MAP3K15: variants seen among roughly 807,000 people sequenced by gnomAD.
The protein encoded by MAP3K15 is MAPK/ERK kinase kinase 15.
A neutral mutation model predicts 99.5 loss-of-function variants in MAP3K15; 124 were observed. That is an observed-to-expected ratio of 1.25 (90% confidence interval 1.08 to 1.45). The LOEUF is 1.45. Among genes scored for constraint, MAP3K15 ranks in the 40% most tolerant of loss-of-function variants. The pLI is 0.00. For synonymous variants in MAP3K15, 494 were observed against 439.6 expected (o/e 1.12, Z -1.55); for missense variants, 1,242 against 1,079.7 (o/e 1.15, Z -2.11).
At chrX:19,514,148 T>C (rs747775505) in intron 1 of MAP3K15, among the ~76,000 whole-genome samples, 6 of 110,820 alleles carry the variant, frequency 5.4e-5, no homozygotes, top group Non-Finnish European at 1.1e-4. Context: ...TTTCCACTCC[T>C]GGCTGCAAAA....
chrX:19,403,623 TA>T (rs1283048847), intron 13 of MAP3K15, among the ~76,000 whole-genome samples: 5 of 85,993 alleles, frequency 5.8e-5, no homozygotes, highest in African/African-American at 3.0e-4. Flanking sequence ...CATGCTGAGC[TA>T]ATTTTTTTTT....
Position 19,369,152 on chromosome X carries a change from T to C in MAP3K15, c.3468A>G (p.Glu1156=). The C allele has an allele frequency of 9.9e-6, 12 of 1,211,248 alleles. No individual in the cohort carries two copies. The highest frequency in any genetic ancestry group is 1.3e-5 in the Non-Finnish European group (12 of 895,348). ...EGVDKDMDEA[E]EGYPPATGPG... is the part of the protein sequence containing the mutation. ...GTCCGGTGGCTGGGGGATAGCCCTC[T>C]TCCGCTTCATCCATGTCCTTATCTA... Residue 1156 remains glutamate (E), a synonymous_variant, in exon 25 of 29, where the codon GAA becomes GAG. Coordinates refer to ENST00000338883, the MANE Select transcript of MAP3K15 (RefSeq NM_001001671.4).
Position 19,395,941 on chromosome X carries a change from GCT to G in MAP3K15, c.2067-735_2067-734del, listed in dbSNP as rs1280581062. Reference sequence around the variant, plus strand: ...TCTGAATATACTTTGTGTTTTAACAGCTCTGTTTTTCCATCAGCATAGGCCTC... The same window carrying G: ...TCTGAATATACTTTGTGTTTTAACAGCTGTTTTTCCATCAGCATAGGCCTC... On this transcript the variant is annotated intron_variant, in intron 15 of 28. Coordinates refer to ENST00000338883, the MANE Select transcript of MAP3K15 (RefSeq NM_001001671.4). Among the ~76,000 whole-genome samples the G allele has an allele frequency of 2.7e-5, 3 of 111,971 alleles. No individual in the cohort carries two copies. The East Asian group carries it at 8.3e-4, about 31-fold the overall frequency.
chrX:19,415,761 A>T (rs939791413), intron 9 of MAP3K15, among the ~76,000 whole-genome samples: 6 of 111,868 alleles, frequency 5.4e-5, no homozygotes, highest in African/African-American at 1.9e-4. Context: ...ATGAACACAT[A>T]AAATATATGT....
At position 19,373,558 on chromosome X, in the gene MAP3K15, G is replaced by A. The variant is rs1335668976; in HGVS notation, c.2911C>T (p.His971Tyr). The change falls in exon 21 of 29, where the codon CAC becomes TAC. Residue 971 changes from histidine (H) to tyrosine (Y), a missense_variant. Transcript: ENST00000338883. ...ALFERTRAPRHHLGHLLSVPD... is the reference protein window; with the variant it reads ...ALFERTRAPRYHLGHLLSVPD... ...TACCTGAGGAGGTGGCCAAGGTGGT[G>A]CCTGGGCGCCCGGGTCCTCTCAAAG... 1 of 1,172,180 alleles carries A rather than the reference G, an allele frequency of 8.5e-7. No individual in the cohort carries two copies. Among genetic ancestry groups the A allele is most frequent in the Non-Finnish European group, 1.1e-6 (1 of 875,342 alleles).
chrX:19,432,693 A>G (rs1255736255), intron 6 of MAP3K15, among the ~76,000 whole-genome samples: 1 of 110,111 alleles, frequency 9.1e-6, no homozygotes, highest in Non-Finnish European at 1.9e-5. Context: ...TAATGTAATC[A>G]TGACTATGTT....
intron 18 of MAP3K15, among the ~76,000 whole-genome samples, chrX:19,385,051 T>C (rs2063486109): frequency 8.9e-6 from 1 of 111,965 alleles, no homozygotes; most frequent in East Asian, 2.8e-4. Flanking sequence ...TCATATTAGT[T>C]ATTTACTGCT....
chrX:19,415,259 TG>T lies in MAP3K15; in HGVS notation c.1440-3del, dbSNP rs758072137. On this transcript the variant is annotated splice_region_variant and splice_polypyrimidine_tract_variant and intron_variant, in intron 9 of 28. Coordinates refer to ENST00000338883, the MANE Select transcript of MAP3K15 (RefSeq NM_001001671.4). ...TTCTGAACTAATGATCGCAGGTACC[TG>T]GAAAAATCACAAACAGCAATATATT... The T allele has an allele frequency of 8.6e-7, 1 of 1,160,686 alleles. No homozygotes were observed. Among genetic ancestry groups the T allele is most frequent in the African/African-American group, 1.8e-5 (1 of 56,177 alleles).
intron 6 of MAP3K15, among the ~76,000 whole-genome samples, chrX:19,451,434 G>C (rs1194727868): frequency 2.1e-5 from 2 of 96,710 alleles, no homozygotes; most frequent in Admixed American, 1.1e-4. Flanking sequence ...TCAATAGCCA[G>C]AATATATATA....
intron 4 of MAP3K15, among the ~76,000 whole-genome samples, chrX:19,462,245 G>T (rs1297091625): frequency 8.9e-6 from 1 of 112,107 alleles, no homozygotes; most frequent in East Asian, 2.8e-4. Flanking sequence ...CTCACAAGAG[G>T]ACCTCCATTA....
intron 7 of MAP3K15, 97 bp from the exon 8 acceptor site, chrX:19,426,440 T>C: frequency 2.0e-6 from 1 of 507,010 alleles, no homozygotes; most frequent in East Asian, 4.6e-5. Flanking sequence ...TTTCTTTCTC[T>C]AAATTTGTTG....
Position 19,515,179 on chromosome X carries a change from AC to A in MAP3K15, c.82del (p.Val28TrpfsTer98). On this transcript the variant is annotated frameshift_variant, in exon 1 of 29. Coordinates refer to ENST00000338883, the MANE Select transcript of MAP3K15 (RefSeq NM_001001671.4). LOFTEE classifies it high-confidence loss of function. ...CTCCGCCGGCCCGGCCGCGCCCTCC[AC>A]CCCCGGCGGCGGCGGGCACTGAGGG... The part of the protein sequence containing the change: ...ESPQCPPPPG[V>X]EGAAGPAEPD... The A allele has an allele frequency of 1.2e-6, 1 of 829,709 alleles. No individual in the cohort carries two copies. The highest frequency in any genetic ancestry group is 1.5e-6 in the Non-Finnish European group (1 of 686,717). 68.4% of individuals were successfully genotyped at this position (829,709 alleles called of 1,213,427 possible).
chrX:19,480,186 A>G (rs1419894228), intron 3 of MAP3K15, among the ~76,000 whole-genome samples: 3 of 112,050 alleles, frequency 2.7e-5, no homozygotes, highest in Non-Finnish European at 5.6e-5. Context: ...TAGACTTAAA[A>G]CTATTAAGAT....
chrX:19,413,513 C>T (rs747157384), intron 10 of MAP3K15, 49 bp from the exon 11 acceptor site: 22 of 974,004 alleles, frequency 2.3e-5, no homozygotes, highest in South Asian at 6.5e-5. Flanking sequence ...GAAAACATAG[C>T]GCACCCTGCC....
chrX:19,398,158 G>A (rs2063581052), intron 15 of MAP3K15, 68 bp downstream of exon 15: 2 of 1,168,019 alleles, frequency 1.7e-6, no homozygotes, highest in Non-Finnish European at 2.3e-6. Context: ...TCCACACCAT[G>A]AGCGGTGGGT....
In MAP3K15 at chrX:19,398,338, T is replaced by A; in HGVS notation, c.1954A>T (p.Asn652Tyr). The A allele has an allele frequency of 8.3e-7, 1 of 1,211,079 alleles. No individual in the cohort carries two copies. Among genetic ancestry groups the A allele is most frequent in the South Asian group, 1.8e-5 (1 of 56,927 alleles). ...TTCCCCAAGACAACTCTCTCACCAT[T>A]TGCATCATGGTCATACTCATACTGA... ...TLEYEYDHDA[N>Y]GERVVLGKGT... The change falls in exon 15 of 29, where the codon AAT becomes TAT. Residue 652 changes from asparagine to tyrosine, a missense_variant. Asn to Tyr is a moderately radical substitution (Grantham distance 143). Transcript: ENST00000338883.
At position 19,431,425 on chromosome X, in the gene MAP3K15, G is replaced by A. The variant is rs748272618; in HGVS notation, c.1166+13C>T. 4.2e-6 allele frequency: 5 copies of A among 1,194,592 alleles called. No individual in the cohort carries two copies. The African/African-American group carries it at 7.0e-5, about 17-fold the overall frequency. On this transcript the variant is annotated intron_variant, in intron 7 of 28. Coordinates refer to ENST00000338883, the MANE Select transcript of MAP3K15 (RefSeq NM_001001671.4). ...AGAGATGCAAGTGCTCATAACTCGG[G>A]CTGAGGGTTTACCACTCAATGGCGC... is the stretch of plus-strand genomic sequence containing the variant.
At chrX:19,454,133 T>A (rs1602322340) in intron 6 of MAP3K15, among the ~76,000 whole-genome samples, 1 of 111,835 alleles carries the variant, frequency 8.9e-6, no homozygotes, top group African/African-American at 3.2e-5. Flanking sequence ...AGTCAGTGCG[T>A]CACACATCCA....
At chrX:19,481,008 G>A (rs186604598) in intron 3 of MAP3K15, among the ~76,000 whole-genome samples, 26 of 106,547 alleles carry the variant, frequency 2.4e-4, no homozygotes, top group Non-Finnish European at 2.9e-4. Context: ...CCAGGCACTC[G>A]GGAGGTTGAG....
Sources: allele counts gnomAD v4.1 joint callset (sites outside exome capture counted in the v4.1 genomes callset), GRCh38; gene constraint gnomAD v4.1.1; transcripts MANE v1.5; gene names NCBI Gene and HGNC (gene_info 2026-07-23, HGNC 2026-07-21).